The following FBXO21 variants were observed in gnomAD, a reference collection of about 807,000 sequenced individuals.
The protein encoded by FBXO21 is F-box only protein 21.
Under a neutral mutation model 76.6 loss-of-function variants are expected in FBXO21, and 32 were observed. The ratio of observed to expected loss-of-function variants is 0.42; its 90% confidence interval spans 0.32 to 0.56. The LOEUF (loss-of-function observed/expected upper bound fraction) is 0.56. Among genes scored for constraint, FBXO21 ranks in the 20% least tolerant of loss-of-function variants. FBXO21 has a pLI of 0.16. For missense variants in FBXO21, 586 were observed against 797.3 expected (o/e 0.73, Z 3.19); for synonymous variants, 328 against 311.5 (o/e 1.05, Z -0.56).
intron 11 of FBXO21, among the ~76,000 whole-genome samples, chr12:117,148,526 G>A (rs533621511): frequency 3.9e-5 from 6 of 152,270 alleles, no homozygotes; most frequent in Non-Finnish European, 8.8e-5. Context: ...GAAGGCCATG[G>A]ATCAGGGGTT....
chr12:117,168,058 TGGAATCCTCATGGAGGATTCA>T lies in FBXO21; in HGVS notation c.1014-1002_1014-982del, dbSNP rs546289320. ...CAGGCCCATTCTCTGTGAGGACTCA[TGGAATCCTCATGGAGGATTCA>T]GGTGGCTCTGTTTCAGGGATATTAG... On this transcript the variant is annotated intron_variant, in intron 7 of 11. Transcript: ENST00000622495. 1.4e-4 allele frequency among the ~76,000 whole-genome samples: 21 copies of T among 152,346 alleles called. No individual in the cohort carries two copies. The East Asian group carries it at 2.1e-3, about 15-fold the overall frequency.
chr12:117,166,571 C>T (rs747369801), intron 8 of FBXO21, among the ~76,000 whole-genome samples: 4 of 152,188 alleles, frequency 2.6e-5, no homozygotes, highest in Non-Finnish European at 5.9e-5. Flanking sequence ...ATATAGTCTA[C>T]AACTTTCTAC....
intron 3 of FBXO21, among the ~76,000 whole-genome samples, chr12:117,183,481 A>G (rs967270649): frequency 6.6e-6 from 1 of 152,176 alleles, no homozygotes; most frequent in Non-Finnish European, 1.5e-5. Context: ...GCTGGTGTCG[A>G]ACTCCTGACC....
intron 8 of FBXO21, among the ~76,000 whole-genome samples, chr12:117,165,860 A>C (rs1315490993): frequency 6.6e-6 from 1 of 152,216 alleles, no homozygotes; most frequent in Non-Finnish European, 1.5e-5. Flanking sequence ...CATTTTTACT[A>C]AGCAGTCACT....
chr12:117,150,157 A>G (rs1411076885), intron 11 of FBXO21, among the ~76,000 whole-genome samples: 2 of 152,246 alleles, frequency 1.3e-5, no homozygotes, highest in African/African-American at 4.8e-5. Flanking sequence ...AGATTTTCCC[A>G]AAGTTTACTT....
chr12:117,156,487 G>A (rs1450622183), intron 10 of FBXO21, among the ~76,000 whole-genome samples: 1 of 152,206 alleles, frequency 6.6e-6, no homozygotes, highest in African/African-American at 2.4e-5. Flanking sequence ...GGGTTTTCTA[G>A]ATGTGATAAT....
Position 117,144,489 on chromosome 12 carries a change from G to C in FBXO21, c.*1598C>G, listed in dbSNP as rs1000152550. 6.6e-6 allele frequency: 1 copy of C among 152,184 alleles called. No homozygotes were observed. Among genetic ancestry groups the C allele is most frequent in the African/African-American group, 2.4e-5 (1 of 41,446 alleles). The allele number at this position is 152,184 out of a possible 1,614,324, so 9.4% of individuals were successfully genotyped here. A position where few individuals can be genotyped will look rare whatever the true frequency, so the allele number is the denominator to read the frequency against. ...GCTTAAAGCCTTCCCTTGCTATGAAGTGGTCTCAGGTGGCTTTCCAAACCT... is the reference window on the plus strand; with the variant it reads ...GCTTAAAGCCTTCCCTTGCTATGAACTGGTCTCAGGTGGCTTTCCAAACCT... On this transcript the variant is annotated 3_prime_UTR_variant, in exon 12 of 12. Coordinates refer to ENST00000622495, the MANE Select transcript of FBXO21 (RefSeq NM_015002.3).
chr12:117,175,617 A>G (rs544745168), intron 4 of FBXO21, among the ~76,000 whole-genome samples: 1 of 152,234 alleles, frequency 6.6e-6, no homozygotes, highest in Non-Finnish European at 1.5e-5. Flanking sequence ...TGTTGCCACC[A>G]GCCAGGGACT....
chr12:117,149,813 G>A (rs1045513264), intron 11 of FBXO21, among the ~76,000 whole-genome samples: 2 of 152,176 alleles, frequency 1.3e-5, no homozygotes, highest in African/African-American at 4.8e-5. Flanking sequence ...CTGTTGGGAG[G>A]AGGAAAGAAG....
At chr12:117,156,741 T>C (rs371200083) in intron 10 of FBXO21, among the ~76,000 whole-genome samples, 1 of 152,114 alleles carries the variant, frequency 6.6e-6, no homozygotes, top group African/African-American at 2.4e-5. Flanking sequence ...AAATTTCCAT[T>C]TAAAAGTTTA....
At chr12:117,180,672 C>G (rs1384642052) in intron 3 of FBXO21, among the ~76,000 whole-genome samples, 1 of 152,104 alleles carries the variant, frequency 6.6e-6, no homozygotes, top group Non-Finnish European at 1.5e-5. Context: ...TGTCGCCAGG[C>G]TGGAGTGCAG....
Position 117,190,436 on chromosome 12 carries a change from G to A in FBXO21, c.21C>T (p.Asp7=). MAAAAV[D]SAMEVVPALA... The stretch of plus-strand genomic sequence containing the variant: ...GCGCCGGCACCACCTCCATCGCGCT[G>A]TCGACTGCTGCCGCCGCCATCTTGT... Residue 7 remains aspartate, a synonymous_variant, in exon 1 of 12, where the codon GAC becomes GAT. Transcript: ENST00000622495. The A allele has an allele frequency of 2.8e-6, 4 of 1,406,104 alleles. No individual in the cohort carries two copies. The highest frequency in any genetic ancestry group is 1.3e-5 in the South Asian group (1 of 76,046). 87.1% of individuals were successfully genotyped at this position (1,406,104 alleles called of 1,614,324 possible).
At chr12:117,178,808 C>A (rs1043052860) in intron 3 of FBXO21, among the ~76,000 whole-genome samples, 14 of 152,090 alleles carry the variant, frequency 9.2e-5, no homozygotes, top group East Asian at 1.9e-4. Flanking sequence ...TGCCTTCTTC[C>A]CCGATTATAT....
rs188648816 is a variant in FBXO21, at chr12:117,163,299, G to A, written c.1326+2186C>T. ...TGCAATCCCAGCACTTTGGGAGGCC[G>A]AGGCAGGTGGATCACTTGAGGTCAG... On this transcript the variant is annotated intron_variant, in intron 9 of 11. Transcript: ENST00000622495. 1.3e-4 allele frequency among the ~76,000 whole-genome samples: 20 copies of A among 152,298 alleles called. No homozygotes were observed. In the East Asian group the frequency reaches 2.1e-3, roughly 16 times the overall value.
intron 9 of FBXO21, among the ~76,000 whole-genome samples, chr12:117,164,571 C>T (rs1229287267): frequency 3.3e-5 from 5 of 152,270 alleles, no homozygotes; most frequent in African/African-American, 9.6e-5. Context: ...CCACCATGCC[C>T]GGCTGACATC....
chr12:117,172,614 C>G lies in FBXO21; in HGVS notation c.877-7G>C. 2 of 1,607,266 alleles carry G rather than the reference C, an allele frequency of 1.2e-6. No homozygotes were observed. The highest frequency in any genetic ancestry group is 1.7e-6 in the Non-Finnish European group (2 of 1,175,720). On this transcript the variant is annotated splice_region_variant and splice_polypyrimidine_tract_variant and intron_variant, in intron 6 of 11. Coordinates refer to ENST00000622495, the MANE Select transcript of FBXO21 (RefSeq NM_015002.3). ...CTGTTCTGCGAATCAAAACCTAAAG[C>G]AGAAAAAATGCTTTTATTTCACTGG...
rs1427796492 is a variant in FBXO21, at chr12:117,142,961, A to C, written c.*3126T>G. On this transcript the variant is annotated 3_prime_UTR_variant, in exon 12 of 12. Transcript: ENST00000622495. ...GAAAACTGAGCCGGCAACAGTACTT[A>C]ATGCTGGTTTTCTCAATAAAATCAT... 6.6e-6 allele frequency: 1 copy of C among 152,208 alleles called. No individual in the cohort carries two copies. The highest frequency in any genetic ancestry group is 1.9e-4 in the East Asian group (1 of 5,194). 9.4% of individuals were successfully genotyped at this position (152,208 alleles called of 1,614,324 possible).
intron 11 of FBXO21, among the ~76,000 whole-genome samples, chr12:117,150,844 T>G (rs1310540581): frequency 6.9e-6 from 1 of 145,890 alleles, no homozygotes; most frequent in East Asian, 2.0e-4. Context: ...CTCACCACAC[T>G]TGCCAGCAGG....
intron 11 of FBXO21, among the ~76,000 whole-genome samples, chr12:117,153,790 C>CTTTA (rs1955876978): frequency 6.6e-6 from 1 of 152,242 alleles, no homozygotes; most frequent in Non-Finnish European, 1.5e-5. Context: ...TTCAAGAAGC[C>CTTTA]AATTTGCTAA....
Sources: allele counts gnomAD v4.1 joint callset (sites outside exome capture counted in the v4.1 genomes callset), GRCh38; gene constraint gnomAD v4.1.1; transcripts MANE v1.5; gene names NCBI Gene and HGNC (gene_info 2026-07-23, HGNC 2026-07-21).